Variants in MAGI1 observed in about 807,000 individuals in gnomAD.
MAGI1 encodes membrane-associated guanylate kinase, WW and PDZ domain-containing protein 1.
A neutral mutation model predicts 139.9 loss-of-function variants in MAGI1; 58 were observed. The ratio of observed to expected loss-of-function variants is 0.41; its 90% confidence interval spans 0.34 to 0.52. MAGI1 has a LOEUF of 0.52. Among genes scored for constraint, MAGI1 ranks in the 20% least tolerant of loss-of-function variants. The probability of loss-of-function intolerance (pLI) is 0.12; values close to 1 mark genes in which losing one functional copy is unlikely to be tolerated. For synonymous variants in MAGI1, 812 were observed against 737.9 expected (o/e 1.10, Z -1.63); for missense variants, 1,874 against 1,901.6 (o/e 0.99, Z 0.27).
At chr3:65,712,196 G>C (rs2031539268) in intron 1 of MAGI1, among the ~76,000 whole-genome samples, 1 of 152,096 alleles carries the variant, frequency 6.6e-6, no homozygotes, top group South Asian at 2.1e-4. Context: ...TGACAGAAGT[G>C]ATTTTTGACA....
chr3:65,470,107 A>G (rs1240872533), intron 5 of MAGI1, 176 bp downstream of exon 5: 6 of 545,048 alleles, frequency 1.1e-5, no homozygotes, highest in African/African-American at 9.5e-5. Flanking sequence ...TTGAGAATCG[A>G]TAAGTTGGTA....
chr3:65,417,413 C>T (rs1946307008), intron 12 of MAGI1, among the ~76,000 whole-genome samples: 1 of 152,006 alleles, frequency 6.6e-6, no homozygotes, highest in Admixed American at 6.6e-5. Flanking sequence ...AAACATTATC[C>T]AAAGTTGCTG....
intron 1 of MAGI1, among the ~76,000 whole-genome samples, chr3:66,013,921 G>C (rs757154254): frequency 6.6e-6 from 1 of 152,112 alleles, no homozygotes; most frequent in Non-Finnish European, 1.5e-5. Flanking sequence ...TCATACACCT[G>C]ACGAAAAGAA....
chr3:65,967,127 T>C (rs868824411), intron 1 of MAGI1, among the ~76,000 whole-genome samples: 128 of 152,226 alleles, frequency 8.4e-4, no homozygotes, highest in African/African-American at 2.6e-3. Context: ...CACATATTCC[T>C]AACTACCCAT....
At chr3:65,512,642 G>T (rs1458296317) in intron 2 of MAGI1, among the ~76,000 whole-genome samples, 4 of 151,874 alleles carry the variant, frequency 2.6e-5, no homozygotes, top group Non-Finnish European at 5.9e-5. Context: ...AATAACAGGA[G>T]CTGAAATTGT....
chr3:65,420,807 C>T (rs1451463149), intron 12 of MAGI1, among the ~76,000 whole-genome samples: 2 of 152,110 alleles, frequency 1.3e-5, no homozygotes, highest in African/African-American at 4.8e-5. Context: ...ATAAATAATG[C>T]ATATAAGTAA....
At position 65,736,474 on chromosome 3, in the gene MAGI1, C is replaced by A. The variant is rs1399721199; in HGVS notation, c.314-114386G>T. Among the ~76,000 whole-genome samples, 3 of 152,148 alleles carry A rather than the reference C, an allele frequency of 2.0e-5. No individual in the cohort carries two copies. The South Asian group carries it at 6.2e-4, about 32-fold the overall frequency. ...ATTGGCCAAGGAGTCCCACAATATG[C>A]TGTCTGCAAGCTAAAGAACCAAGAA... On this transcript the variant is annotated intron_variant, in intron 1 of 22. Transcript: ENST00000402939.
intron 1 of MAGI1, among the ~76,000 whole-genome samples, chr3:65,936,876 T>G (rs2063078089): frequency 6.6e-6 from 1 of 151,704 alleles, no homozygotes. Context: ...GGGCTACAGG[T>G]GTGCGCCACT....
At chr3:65,659,185 C>T (rs776369844) in intron 1 of MAGI1, among the ~76,000 whole-genome samples, 6 of 151,916 alleles carry the variant, frequency 3.9e-5, no homozygotes, top group African/African-American at 7.3e-5. Flanking sequence ...TACAGTTACC[C>T]GAGAACTTCC....
chr3:65,416,364 C>T (rs1343385984), intron 12 of MAGI1, among the ~76,000 whole-genome samples: 1 of 152,124 alleles, frequency 6.6e-6, no homozygotes, highest in Non-Finnish European at 1.5e-5. Context: ...TATTCTATGA[C>T]ACAGTGGAAA....
At chr3:65,963,057 G>A (rs1202464423) in intron 1 of MAGI1, among the ~76,000 whole-genome samples, 4 of 150,748 alleles carry the variant, frequency 2.7e-5, no homozygotes, top group Admixed American at 1.3e-4. Context: ...CTGGCCAGGC[G>A]CAGTGGCTCA....
chr3:65,949,295 T>C (rs934797316), intron 1 of MAGI1, among the ~76,000 whole-genome samples: 2 of 152,322 alleles, frequency 1.3e-5, no homozygotes, highest in Non-Finnish European at 1.5e-5. Context: ...CCACTAAACA[T>C]TGTTGGACGA....
intron 14 of MAGI1, chr3:65,387,297 TTTGA>T (rs1943527285): frequency 8.6e-7 from 1 of 1,167,494 alleles, no homozygotes; most frequent in South Asian, 1.3e-5. Flanking sequence ...TTAATTTAGT[TTTGA>T]TTGATAAGGA....
At chr3:65,748,346 A>C (rs914988453) in intron 1 of MAGI1, among the ~76,000 whole-genome samples, 7 of 152,210 alleles carry the variant, frequency 4.6e-5, no homozygotes, top group Non-Finnish European at 8.8e-5. Context: ...TGTGAGCCAC[A>C]GGAATATTCT....
chr3:65,983,542 C>T (rs956862688), intron 1 of MAGI1, among the ~76,000 whole-genome samples: 2 of 152,206 alleles, frequency 1.3e-5, no homozygotes, highest in Non-Finnish European at 2.9e-5. Context: ...TTTCGGTGCT[C>T]TTCTCCAAAT....
chr3:65,475,848 A>G (rs943752061), intron 4 of MAGI1, among the ~76,000 whole-genome samples: 4 of 151,992 alleles, frequency 2.6e-5, no homozygotes, highest in African/African-American at 7.2e-5. Flanking sequence ...CACAGTCCCA[A>G]CGTTACTTAG....
chr3:65,924,152 T>C (rs1284833783), intron 1 of MAGI1, among the ~76,000 whole-genome samples: 1 of 152,200 alleles, frequency 6.6e-6, no homozygotes. Context: ...ATTTAAAACC[T>C]TGATTTAAAA....
chr3:65,523,778 T>G (rs553818448), intron 2 of MAGI1, among the ~76,000 whole-genome samples: 1 of 152,292 alleles, frequency 6.6e-6, no homozygotes, highest in East Asian at 1.9e-4. Flanking sequence ...TGGTTAGAAG[T>G]GAAACACAAA....
chr3:65,499,990 G>C (rs867007330), intron 2 of MAGI1, among the ~76,000 whole-genome samples: 39 of 151,984 alleles, frequency 2.6e-4, no homozygotes, highest in Admixed American at 2.6e-3. Context: ...CTGATTCTTG[G>C]ATATTTTATT....
Sources: allele counts gnomAD v4.1 joint callset (sites outside exome capture counted in the v4.1 genomes callset), GRCh38; gene constraint gnomAD v4.1.1; transcripts MANE v1.5; gene names NCBI Gene and HGNC (gene_info 2026-07-23, HGNC 2026-07-21).